The following ARHGAP42 variants were observed in gnomAD, a reference collection of about 807,000 sequenced individuals.
ARHGAP42 encodes Rho GTPase activating protein 42.
A neutral mutation model predicts 125.0 loss-of-function variants in ARHGAP42; 63 were observed. That is an observed-to-expected ratio of 0.50 (90% CI 0.41 to 0.62). The LOEUF (loss-of-function observed/expected upper bound fraction) is 0.62, where lower values mean the gene tolerates loss of function less well. Ranked by LOEUF, ARHGAP42 falls within the 20% of genes least tolerant of loss-of-function variation. ARHGAP42 has a pLI of 0.00. For missense variants in ARHGAP42, 766 were observed against 1,024.2 expected (o/e 0.75, Z 3.44); for synonymous variants, 339 against 351.0 (o/e 0.97, Z 0.38).
chr11:100,840,777 G>C (rs1328868880), intron 3 of ARHGAP42: 1 of 152,106 alleles, frequency 6.6e-6, no homozygotes, highest in South Asian at 2.1e-4. Flanking sequence ...ATAATATATA[G>C]AAGTGTCTAA....
intron 1 of ARHGAP42, among the ~76,000 whole-genome samples, chr11:100,745,252 A>G (rs957175300): frequency 3.3e-5 from 5 of 152,222 alleles, no homozygotes; most frequent in Admixed American, 3.3e-4. Context: ...TTTAGAACTC[A>G]TATCTAACAA....
chr11:100,710,538 G>GTTT (rs57891043), intron 1 of ARHGAP42, among the ~76,000 whole-genome samples: 13,102 of 106,974 alleles, frequency 0.12, 1,534 homozygotes, highest in East Asian at 0.2. Context: ...CCGGCCAGCA[G>GTTT]TTTTTTTTTT....
At chr11:100,978,127 G>T (rs1233075389) in intron 21 of ARHGAP42, among the ~76,000 whole-genome samples, 1 of 152,114 alleles carries the variant, frequency 6.6e-6, no homozygotes, top group East Asian at 1.9e-4. Context: ...TATTAGGGAA[G>T]ATGAGAGAAT....
At chr11:100,921,233 ATATATATATATATTTTTTTTT>A (rs1198002019) in intron 5 of ARHGAP42, among the ~76,000 whole-genome samples, 137 of 38,374 alleles carry the variant, frequency 3.6e-3, no homozygotes, top group East Asian at 5.5e-3. Flanking sequence ...ATATATATAT[ATATATATATATATTTTTTTTT>A]TTTTTTTTTT....
At chr11:100,692,908 A>G (rs1861215176) in intron 1 of ARHGAP42, among the ~76,000 whole-genome samples, 1 of 152,226 alleles carries the variant, frequency 6.6e-6, no homozygotes, top group Non-Finnish European at 1.5e-5. Flanking sequence ...GTGTTTCACT[A>G]ATGCAACTTA....
intron 1 of ARHGAP42, among the ~76,000 whole-genome samples, chr11:100,752,612 C>T (rs904233244): frequency 6.6e-6 from 1 of 152,202 alleles, no homozygotes; most frequent in Non-Finnish European, 1.5e-5. Context: ...GTAATGTCTG[C>T]AAGGAATCCA....
intron 2 of ARHGAP42, among the ~76,000 whole-genome samples, chr11:100,786,539 A>G (rs990021610): frequency 1.3e-5 from 2 of 152,154 alleles, no homozygotes; most frequent in African/African-American, 4.8e-5. Context: ...TAAGCCTAGT[A>G]TACATATATG....
At chr11:100,986,248 C>T (rs987411630) in intron 22 of ARHGAP42, 5 of 355,778 alleles carry the variant, frequency 1.4e-5, no homozygotes, top group African/African-American at 8.6e-5. Context: ...TCAGAGAAGG[C>T]CTGACCTTCA....
At chr11:100,762,313 G>A (rs373811715) in intron 1 of ARHGAP42, among the ~76,000 whole-genome samples, 1 of 152,190 alleles carries the variant, frequency 6.6e-6, no homozygotes, top group East Asian at 1.9e-4. Context: ...TAGTGACGCA[G>A]GGTAGCCTGT....
chr11:100,879,842 T>C lies in ARHGAP42; in HGVS notation c.384+20217T>C, dbSNP rs139217910. On this transcript the variant is annotated intron_variant, in intron 4 of 23. Transcript: ENST00000298815. The stretch of plus-strand genomic sequence containing the variant: ...TTATGGTTTTCAGGTGAGAGGGTCG[T>C]TTGGCAAAAGGAGTAAAGTTAAAAA... 3.3e-4 allele frequency among the ~76,000 whole-genome samples: 51 copies of C among 152,314 alleles called. No individual in the cohort carries two copies. In the East Asian group the frequency reaches 6.6e-3, roughly 20 times the overall value.
chr11:100,834,348 C>T (rs888547420), intron 3 of ARHGAP42, among the ~76,000 whole-genome samples: 1 of 152,022 alleles, frequency 6.6e-6, no homozygotes, highest in South Asian at 2.1e-4. Flanking sequence ...AGAATATTTT[C>T]CTTTATATGG....
chr11:100,841,352 G>A (rs1160081378), intron 3 of ARHGAP42, among the ~76,000 whole-genome samples: 2 of 151,930 alleles, frequency 1.3e-5, no homozygotes, highest in East Asian at 3.9e-4. Flanking sequence ...TTGTTCAGGA[G>A]TTGAGTTCAA....
At chr11:100,781,935 T>TC (rs1190627233) in intron 2 of ARHGAP42, among the ~76,000 whole-genome samples, 1 of 149,412 alleles carries the variant, frequency 6.7e-6, no homozygotes, top group Non-Finnish European at 1.5e-5. Flanking sequence ...ACCACGAGAT[T>TC]TTTTTTTTTT....
At chr11:100,793,598 T>G (rs1189855879) in intron 2 of ARHGAP42, among the ~76,000 whole-genome samples, 1 of 152,228 alleles carries the variant, frequency 6.6e-6, no homozygotes, top group African/African-American at 2.4e-5. Flanking sequence ...GAATTTTTAA[T>G]TCTTAAATGG....
At chr11:100,790,347 T>G (rs1261742675) in intron 2 of ARHGAP42, among the ~76,000 whole-genome samples, 1 of 152,208 alleles carries the variant, frequency 6.6e-6, no homozygotes, top group Non-Finnish European at 1.5e-5. Flanking sequence ...TAATAGTTTT[T>G]TTTTTTGTTC....
In ARHGAP42 at chr11:100,927,873, C is replaced by T. The variant is rs568974473; in HGVS notation, c.598-5283C>T. Among the ~76,000 whole-genome samples the T allele has an allele frequency of 4.6e-5, 7 of 152,222 alleles. No individual in the cohort carries two copies. In the East Asian group the frequency reaches 1.4e-3, roughly 29 times the overall value. On this transcript the variant is annotated intron_variant, in intron 6 of 23. Transcript: ENST00000298815. ...CCATTCATTCATTTGTGCTTCTGTC[C>T]TCCCATTTTAAAAGTAGTCTTTTCC...
At chr11:100,783,188 C>T in intron 2 of ARHGAP42, among the ~76,000 whole-genome samples, 1 of 152,200 alleles carries the variant, frequency 6.6e-6, no homozygotes, top group East Asian at 1.9e-4. Context: ...GTAATCCCAG[C>T]CCTTTGGGAG....
Position 100,687,288 on chromosome 11 carries a change from A to G in ARHGAP42, c.-391A>G, listed in dbSNP as rs1046042542. Among the ~76,000 whole-genome samples, 1 of 152,112 alleles carries G rather than the reference A, an allele frequency of 6.6e-6. No individual in the cohort carries two copies. Among genetic ancestry groups the G allele is most frequent in the Non-Finnish European group, 1.5e-5 (1 of 67,998 alleles). On this transcript the variant is annotated 5_prime_UTR_variant, in exon 1 of 24. Coordinates refer to ENST00000298815, the MANE Select transcript of ARHGAP42 (RefSeq NM_152432.4). ...TGCGGCTGTGCGCTGCTTCTGGCTCACAACGCCGACGACTGTCAAGAGAGT... is the reference window on the plus strand; with the variant it reads ...TGCGGCTGTGCGCTGCTTCTGGCTCGCAACGCCGACGACTGTCAAGAGAGT...
At chr11:100,896,088 C>T (rs534615743) in intron 4 of ARHGAP42, among the ~76,000 whole-genome samples, 16 of 152,154 alleles carry the variant, frequency 1.1e-4, no homozygotes, top group African/African-American at 2.9e-4. Context: ...TGAGAACATG[C>T]GGTGTTTGGT....
Sources: allele counts gnomAD v4.1 joint callset (sites outside exome capture counted in the v4.1 genomes callset), GRCh38; gene constraint gnomAD v4.1.1; transcripts MANE v1.5; gene names NCBI Gene and HGNC (gene_info 2026-07-23, HGNC 2026-07-21).